The following UBE2E2 variants were observed in gnomAD, a reference collection of about 807,000 sequenced individuals.
UBE2E2 encodes ubiquitin-conjugating enzyme E2 E2.
In UBE2E2, 6 loss-of-function variants were observed where a neutral mutation model predicts 24.7. That is an observed-to-expected ratio of 0.24 (90% confidence interval 0.13 to 0.48). The LOEUF (loss-of-function observed/expected upper bound fraction) is 0.48. UBE2E2 is among the 20% of genes least tolerant of loss of function. The pLI is 0.99. For synonymous variants in UBE2E2, 104 were observed against 83.6 expected (o/e 1.24, Z -1.33); for missense variants, 169 against 245.0 (o/e 0.69, Z 2.07).
chr3:23,466,948 C>T (rs1049948688), intron 3 of UBE2E2, among the ~76,000 whole-genome samples: 6 of 152,124 alleles, frequency 3.9e-5, no homozygotes, highest in Admixed American at 3.9e-4. Flanking sequence ...AGAGGCTCTG[C>T]AGAATTTACT....
intron 5 of UBE2E2, among the ~76,000 whole-genome samples, chr3:23,545,137 A>G (rs1271792760): frequency 1.3e-5 from 2 of 152,114 alleles, no homozygotes; most frequent in Non-Finnish European, 2.9e-5. Context: ...GGCAGGAGAC[A>G]GATGCCTTCC....
At chr3:23,461,311 G>A (rs779324387) in intron 3 of UBE2E2, among the ~76,000 whole-genome samples, 55 of 151,896 alleles carry the variant, frequency 3.6e-4, no homozygotes, top group Non-Finnish European at 5.7e-4. Flanking sequence ...TCTTGCCACC[G>A]TTAGCCAAGC....
chr3:23,343,825 C>A (rs566839011), intron 3 of UBE2E2, among the ~76,000 whole-genome samples: 51 of 152,156 alleles, frequency 3.4e-4, no homozygotes, highest in Non-Finnish European at 2.9e-5. Context: ...GTACTACTTT[C>A]CTATGTCTGG....
Position 23,272,192 on chromosome 3 carries a change from C to T in UBE2E2, c.227+54880C>T, listed in dbSNP as rs116486835. ...CCGCGGGGAGGTGGCTGAGGCCTGGCGAGAGTTCGAGTGTGGCACGGGCAG... is the reference window on the plus strand; with the variant it reads ...CCGCGGGGAGGTGGCTGAGGCCTGGTGAGAGTTCGAGTGTGGCACGGGCAG... On this transcript the variant is annotated intron_variant, in intron 3 of 5. Transcript: ENST00000396703. Among the ~76,000 whole-genome samples, 1,343 of 152,218 alleles carry T rather than the reference C, an allele frequency of 8.8e-3. 17 individuals are homozygous for T. Among genetic ancestry groups the T allele is most frequent in the African/African-American group, 0.031 (1,275 of 41,532 alleles).
intron 3 of UBE2E2, among the ~76,000 whole-genome samples, chr3:23,315,303 A>AGT (rs1157915846): frequency 2.1e-4 from 28 of 133,086 alleles, no homozygotes; most frequent in Admixed American, 1.5e-4. Context: ...GGTGTGCTTC[A>AGT]TTTTTTTTTT....
chr3:23,399,277 A>G (rs9834737), intron 3 of UBE2E2, among the ~76,000 whole-genome samples: 6,436 of 152,222 alleles, frequency 0.042, 473 homozygotes, highest in African/African-American at 0.15. Flanking sequence ...TGCCAGCATC[A>G]TTTGCACTTT....
chr3:23,359,553 T>C (rs1471678390), intron 3 of UBE2E2, among the ~76,000 whole-genome samples: 2 of 152,210 alleles, frequency 1.3e-5, no homozygotes, highest in Non-Finnish European at 2.9e-5. Context: ...GCTTTAATGG[T>C]AGCATATTTG....
At chr3:23,221,267 C>T (rs542548095) in intron 3 of UBE2E2, among the ~76,000 whole-genome samples, 3 of 152,036 alleles carry the variant, frequency 2.0e-5, no homozygotes, top group African/African-American at 7.2e-5. Flanking sequence ...GGAACACTGG[C>T]GCTGCTTTTT....
At chr3:23,308,166 C>A (rs1699285198) in intron 3 of UBE2E2, among the ~76,000 whole-genome samples, 1 of 152,118 alleles carries the variant, frequency 6.6e-6, no homozygotes, top group African/African-American at 2.4e-5. Context: ...CTAAGAAGAA[C>A]AAAATGCAAA....
rs1204457071 is a variant in UBE2E2 at position 23,543,652 on chromosome 3, T to G, written c.508+10951T>G. Among the ~76,000 whole-genome samples, 3 of 151,978 alleles carry G rather than the reference T, an allele frequency of 2.0e-5. No homozygotes were observed. In the East Asian group the frequency reaches 5.8e-4, roughly 29 times the overall value. ...AAAATGACCATACTGCCCAAAGCAA[T>G]CTACAGATTCAGTGCAATTCCTATC... On this transcript the variant is annotated intron_variant, in intron 5 of 5. Coordinates refer to ENST00000396703, the MANE Select transcript of UBE2E2 (RefSeq NM_152653.4).
intron 1 of UBE2E2, among the ~76,000 whole-genome samples, chr3:23,205,928 CATAA>C (rs986187758): frequency 1.3e-5 from 2 of 152,058 alleles, no homozygotes; most frequent in African/African-American, 4.8e-5. Context: ...TGTAAATGCA[CATAA>C]ATAAGAATAT....
chr3:23,261,993 A>C (rs1428470109), intron 3 of UBE2E2, among the ~76,000 whole-genome samples: 2 of 152,146 alleles, frequency 1.3e-5, no homozygotes, highest in Admixed American at 6.6e-5. Context: ...ATAGACCCAG[A>C]AGTAGCATTG....
intron 5 of UBE2E2, among the ~76,000 whole-genome samples, chr3:23,556,763 A>T (rs1027281600): frequency 3.3e-5 from 5 of 152,174 alleles, no homozygotes; most frequent in African/African-American, 1.2e-4. Flanking sequence ...ATACCAACAA[A>T]ATTTATATTT....
chr3:23,537,751 G>T (rs938539833), intron 5 of UBE2E2, among the ~76,000 whole-genome samples: 1 of 152,008 alleles, frequency 6.6e-6, no homozygotes, highest in African/African-American at 2.4e-5. Context: ...AGCTTTGATT[G>T]TTATTAATTG....
At chr3:23,229,639 C>T (rs1433801984) in intron 3 of UBE2E2, among the ~76,000 whole-genome samples, 1 of 152,186 alleles carries the variant, frequency 6.6e-6, no homozygotes, top group African/African-American at 2.4e-5. Flanking sequence ...GACTTCAGAG[C>T]TCAAGTGTTT....
intron 5 of UBE2E2, among the ~76,000 whole-genome samples, chr3:23,564,472 T>A (rs554183081): frequency 7.7e-4 from 117 of 152,202 alleles, no homozygotes; most frequent in African/African-American, 2.8e-3. Context: ...AACACCCAAA[T>A]CCAATCTCCA....
chr3:23,543,517 A>T (rs1695445400), intron 5 of UBE2E2, among the ~76,000 whole-genome samples: 1 of 151,130 alleles, frequency 6.6e-6, no homozygotes, highest in South Asian at 2.1e-4. Context: ...GAGGTGAAGG[A>T]TGTCTGTGAG....
intron 3 of UBE2E2, among the ~76,000 whole-genome samples, chr3:23,376,417 C>T (rs765579847): frequency 3.3e-5 from 5 of 152,146 alleles, no homozygotes; most frequent in Non-Finnish European, 5.9e-5. Context: ...GGGAGAATAA[C>T]GTGAACAGAT....
intron 5 of UBE2E2, among the ~76,000 whole-genome samples, chr3:23,564,556 G>T (rs888979911): frequency 1.3e-5 from 2 of 152,014 alleles, no homozygotes. Flanking sequence ...TTTAAAATTG[G>T]GGCCTCAGCA....
Sources: allele counts gnomAD v4.1 joint callset (sites outside exome capture counted in the v4.1 genomes callset), GRCh38; gene constraint gnomAD v4.1.1; transcripts MANE v1.5; gene names NCBI Gene and HGNC (gene_info 2026-07-23, HGNC 2026-07-21).